The following RGPD1 variants were observed in gnomAD, a reference collection of about 807,000 sequenced individuals.
RGPD1 encodes the protein RANBP2 like and GRIP domain containing 1.
RGPD1 carries 7 observed loss-of-function variants against 40.6 expected under a neutral mutation model. That is an observed-to-expected ratio of 0.17 (90% CI 0.10 to 0.32). The LOEUF is 0.32. Among genes scored for constraint, RGPD1 ranks in the 10% least tolerant of loss-of-function variants. The pLI, the probability that RGPD1 is intolerant of heterozygous loss-of-function variation, is 1.00. For synonymous variants in RGPD1, 24 were observed against 167.0 expected, an observed-to-expected ratio of 0.14 and a Z score of 6.60; for missense variants, 50 against 472.5, an observed-to-expected ratio of 0.11 and a Z score of 8.29.
intron 1 of RGPD1, among the ~76,000 whole-genome samples, chr2:86,931,241 C>T (rs1023331425): frequency 1.3e-5 from 2 of 151,594 alleles, no homozygotes; most frequent in Non-Finnish European, 2.9e-5. Flanking sequence ...TTGTACCTTT[C>T]CTTTTTCACT....
intron 1 of RGPD1, chr2:86,930,565 T>A (rs1329905570): frequency 1.9e-6 from 3 of 1,608,154 alleles, no homozygotes; most frequent in Non-Finnish European, 2.5e-6. Flanking sequence ...ATGAGGACAG[T>A]CCAGAGCAGC....
Position 86,918,501 on chromosome 2 carries a change from C to T in RGPD1, c.72+4580C>T, listed in dbSNP as rs1268951461. Among the ~76,000 whole-genome samples, 45 of 129,702 alleles carry T rather than the reference C, an allele frequency of 3.5e-4. 1 individual carries two copies. The highest frequency in any genetic ancestry group is 3.0e-3 in the Admixed American group (37 of 12,510). The allele number at this position is 129,702 out of a possible 152,430, so 85.1% of individuals were successfully genotyped here. A position where few individuals can be genotyped will look rare whatever the true frequency, so the allele number is the denominator to read the frequency against. ...TTGAGACAGAATGTTGCTCTGTCAC[C>T]TAGGCTGGAGTGCAATGGCGCAATC... On this transcript the variant is annotated intron_variant, in intron 1 of 22. Transcript: ENST00000398193.
At chr2:86,941,697 C>T (rs1469888469), upstream of RGPD1, among the ~76,000 whole-genome samples, 2 of 149,980 alleles carry the variant, frequency 1.3e-5, no homozygotes, top group Non-Finnish European at 2.9e-5. Flanking sequence ...GCAGGACTGA[C>T]TGCGGGATTT....
chr2:86,934,568 A>G (rs1478731463), intron 1 of RGPD1: 1 of 141,026 alleles, frequency 7.1e-6, no homozygotes, highest in East Asian at 2.1e-4. Context: ...GCCCAATTCC[A>G]CACAGAGCTC....
At chr2:86,917,836 CACTT>C (rs1426256919) in intron 1 of RGPD1, among the ~76,000 whole-genome samples, 9 of 63,490 alleles carry the variant, frequency 1.4e-4, no homozygotes, top group East Asian at 3.9e-4. Context: ...AATCAAATCT[CACTT>C]AATATTTAAT....
intron 1 of RGPD1, among the ~76,000 whole-genome samples, 194 bp downstream of exon 1, chr2:86,942,502 G>A (rs1360468200): frequency 7.4e-6 from 1 of 135,492 alleles, no homozygotes; most frequent in African/African-American, 2.7e-5. Flanking sequence ...CGGCGGCCTC[G>A]ACCTGGCCGG....
intron 1 of RGPD1, among the ~76,000 whole-genome samples, chr2:86,930,074 C>G (rs908676728): frequency 1.5e-4 from 21 of 142,380 alleles, no homozygotes; most frequent in Non-Finnish European, 2.7e-4. Flanking sequence ...TCAGCCTCAC[C>G]GGAGGCAGGA....
chr2:86,918,286 G>C (rs1158327501), intron 1 of RGPD1, among the ~76,000 whole-genome samples: 1 of 150,462 alleles, frequency 6.6e-6, no homozygotes, highest in East Asian at 2.0e-4. Context: ...TACAAAATCA[G>C]CAGAGTGGTG....
chr2:87,009,240 G>A (rs1213018660), intron 22 of RGPD1, among the ~76,000 whole-genome samples: 1 of 28,500 alleles, frequency 3.5e-5, no homozygotes, highest in Non-Finnish European at 7.1e-5. Flanking sequence ...GGGAGGAGGA[G>A]CTTGCAGTGA....
upstream of RGPD1, among the ~76,000 whole-genome samples, chr2:86,941,229 T>A (rs887429498): frequency 2.0e-4 from 30 of 151,048 alleles, no homozygotes; most frequent in Non-Finnish European, 4.1e-4. Flanking sequence ...AAATTTTGTT[T>A]TAAAAGTAAG....
At chr2:86,930,424 C>T (rs1229482492) in intron 1 of RGPD1, 10 of 1,458,982 alleles carry the variant, frequency 6.9e-6, no homozygotes, top group Admixed American at 3.5e-5. Context: ...AGCAGTGAAC[C>T]GGTAGGGAAA....
At chr2:86,942,347 C>G in intron 1 of RGPD1, 39 bp downstream of exon 1, 2 of 927,676 alleles carry the variant, frequency 2.2e-6, no homozygotes, top group South Asian at 2.2e-5. Flanking sequence ...CTCGACCTGG[C>G]CGGGCGGCGG....
At chr2:86,944,026 A>C (rs1245284075) in intron 1 of RGPD1, among the ~76,000 whole-genome samples, 1 of 152,108 alleles carries the variant, frequency 6.6e-6, no homozygotes, top group African/African-American at 2.4e-5. Context: ...AACAAAAAAA[A>C]ACCAAAAAAC....
At chr2:86,926,098 G>T (rs1393978445) in intron 1 of RGPD1, among the ~76,000 whole-genome samples, 2 of 152,304 alleles carry the variant, frequency 1.3e-5, no homozygotes, top group African/African-American at 2.4e-5. Flanking sequence ...AAGGTCTTTA[G>T]AAATATATAA....
At chr2:86,925,214 CTT>C (rs1678393127) in intron 1 of RGPD1, among the ~76,000 whole-genome samples, 1 of 146,304 alleles carries the variant, frequency 6.8e-6, no homozygotes, top group Non-Finnish European at 1.5e-5. Flanking sequence ...TTAACAGTGT[CTT>C]TGATGAGCAG....
intron 1 of RGPD1, among the ~76,000 whole-genome samples, chr2:86,943,100 C>G (rs1315540545): frequency 6.6e-6 from 1 of 151,630 alleles, no homozygotes; most frequent in Non-Finnish European, 1.5e-5. Context: ...GGGACTGACG[C>G]AGCTCCGGGT....
At chr2:86,929,440 C>G (rs142006269) in intron 1 of RGPD1, among the ~76,000 whole-genome samples, 1 of 151,666 alleles carries the variant, frequency 6.6e-6, no homozygotes, top group Non-Finnish European at 1.5e-5. Flanking sequence ...AGCGATCAGA[C>G]ACAGAAATGT....
chr2:86,932,032 T>C (rs1679028778), intron 1 of RGPD1, among the ~76,000 whole-genome samples: 1 of 148,220 alleles, frequency 6.7e-6, no homozygotes, highest in African/African-American at 2.5e-5. Context: ...GATAATAATA[T>C]ATTCATTTTA....
chr2:86,974,313 CTT>C (rs1485231321), intron 10 of RGPD1, 23 bp from the exon 11 acceptor site: 1 of 1,043,054 alleles, frequency 9.6e-7, no homozygotes, highest in Non-Finnish European at 1.3e-6. Flanking sequence ...TTTTTTCTAA[CTT>C]AACTTTTCCT....
Sources: allele counts gnomAD v4.1 joint callset (sites outside exome capture counted in the v4.1 genomes callset), GRCh38; gene constraint gnomAD v4.1.1; transcripts MANE v1.5; gene names NCBI Gene and HGNC (gene_info 2026-07-23, HGNC 2026-07-21).